Variants in CPT1A observed in about 807,000 individuals in gnomAD.
CPT1A encodes carnitine palmitoyltransferase 1A.
A neutral mutation model predicts 100.8 loss-of-function variants in CPT1A; 64 were observed. The observed-to-expected ratio is 0.63, with a 90% CI of 0.52 to 0.78. The LOEUF (loss-of-function observed/expected upper bound fraction) is 0.78, where lower values mean the gene tolerates loss of function less well. CPT1A is among the 30% of genes least tolerant of loss of function. The pLI, the probability that CPT1A is intolerant of heterozygous loss-of-function variation, is 0.00. For synonymous variants in CPT1A, 363 were observed against 396.0 expected (o/e 0.92, Z 0.99); for missense variants, 802 against 1,034.1 (o/e 0.78, Z 3.08).
Position 68,757,669 on chromosome 11 carries a change from C to G in CPT1A, c.2297G>C (p.Gly766Ala), listed in dbSNP as rs764302930. The G allele has an allele frequency of 1.2e-6, 2 of 1,614,078 alleles. No homozygotes were observed. The highest frequency in any genetic ancestry group is 1.7e-6 in the Non-Finnish European group (2 of 1,180,002). The change falls in exon 19 of 19, where the codon GGT becomes GCT. Residue 766 changes from glycine to alanine, a missense_variant. Transcript: ENST00000265641. Reference protein sequence around the residue: ...EAMTDIITLFGLSSNSKK With the variant: ...EAMTDIITLFALSSNSKK ...TTACTTTTTGGAATTAGAACTGAGACCAAACAAAGTGATGATGTCAGTCAT... is the reference window on the plus strand; with the variant it reads ...TTACTTTTTGGAATTAGAACTGAGAGCAAACAAAGTGATGATGTCAGTCAT...
chr11:68,820,865 C>T (rs962979353), intron 1 of CPT1A, among the ~76,000 whole-genome samples: 80 of 152,240 alleles, frequency 5.3e-4, no homozygotes, highest in African/African-American at 1.8e-3. Flanking sequence ...GAAAACACCT[C>T]GTATACACAT....
At chr11:68,825,576 C>A (rs1032292064) in intron 1 of CPT1A, among the ~76,000 whole-genome samples, 1 of 152,182 alleles carries the variant, frequency 6.6e-6, no homozygotes, top group East Asian at 1.9e-4. Context: ...CAGTCACCAC[C>A]TGCTTGCCCA....
chr11:68,826,944 A>T (rs1049193486), intron 1 of CPT1A, among the ~76,000 whole-genome samples: 2 of 152,128 alleles, frequency 1.3e-5, no homozygotes, highest in Non-Finnish European at 2.9e-5. Flanking sequence ...TGGGATGGGC[A>T]GACGACAAGC....
intron 9 of CPT1A, among the ~76,000 whole-genome samples, chr11:68,792,209 C>T (rs994625658): frequency 2.0e-5 from 3 of 152,042 alleles, no homozygotes; most frequent in African/African-American, 7.2e-5. Context: ...TGGTGGCAGA[C>T]ACCTATAGTC....
chr11:68,776,168 G>A (rs1855133868), intron 12 of CPT1A, among the ~76,000 whole-genome samples: 2 of 152,266 alleles, frequency 1.3e-5, no homozygotes, highest in East Asian at 1.9e-4. Context: ...GGAGGCCAAG[G>A]TGGGAGGATT....
At chr11:68,777,170 T>C (rs1855164048) in intron 12 of CPT1A, among the ~76,000 whole-genome samples, 1 of 152,014 alleles carries the variant, frequency 6.6e-6, no homozygotes, top group South Asian at 2.1e-4. Flanking sequence ...TGGCTCATGT[T>C]AGTAATCCCA....
At chr11:68,823,942 T>A (rs547791960) in intron 1 of CPT1A, among the ~76,000 whole-genome samples, 34 of 150,966 alleles carry the variant, frequency 2.3e-4, no homozygotes, top group Non-Finnish European at 4.1e-4. Flanking sequence ...TGGGTACCCA[T>A]AGACATAAAG....
At chr11:68,791,517 G>A (rs866196213) in intron 9 of CPT1A, among the ~76,000 whole-genome samples, 5 of 152,196 alleles carry the variant, frequency 3.3e-5, no homozygotes, top group African/African-American at 7.2e-5. Flanking sequence ...TGTGAAATCC[G>A]TGAACACACA....
intron 10 of CPT1A, among the ~76,000 whole-genome samples, chr11:68,784,154 C>T (rs563646615): frequency 3.3e-5 from 5 of 152,324 alleles, no homozygotes; most frequent in South Asian, 2.1e-4. Context: ...TGAGCCACTG[C>T]GCCCGGCCTG....
chr11:68,814,988 G>A (rs1439005239), intron 2 of CPT1A, among the ~76,000 whole-genome samples: 1 of 152,148 alleles, frequency 6.6e-6, no homozygotes, highest in Admixed American at 6.5e-5. Context: ...CACCTGGCCT[G>A]GAAAAATCCT....
chr11:68,789,274 A>G (rs1370797738), intron 9 of CPT1A, among the ~76,000 whole-genome samples: 5 of 152,184 alleles, frequency 3.3e-5, no homozygotes, highest in Non-Finnish European at 5.9e-5. Flanking sequence ...GGGAATTTGA[A>G]TGGTCTAATT....
At chr11:68,800,174 C>T (rs925319556) in intron 5 of CPT1A, among the ~76,000 whole-genome samples, 5 of 152,114 alleles carry the variant, frequency 3.3e-5, no homozygotes, top group East Asian at 3.9e-4. Flanking sequence ...GAATAGGTCA[C>T]GGAACCAGGC....
intron 1 of CPT1A, among the ~76,000 whole-genome samples, chr11:68,825,243 C>T (rs527674368): frequency 2.0e-5 from 3 of 152,240 alleles, no homozygotes; most frequent in Admixed American, 2.0e-4. Context: ...CATTTGAGAT[C>T]TCCTGATGTT....
chr11:68,758,704 C>T (rs1470505590), intron 18 of CPT1A, among the ~76,000 whole-genome samples: 1 of 151,566 alleles, frequency 6.6e-6, no homozygotes, highest in Admixed American at 6.6e-5. Flanking sequence ...CTACAACCTC[C>T]ACCTCCCGGG....
chr11:68,830,997 G>T (rs1011096552), intron 1 of CPT1A, among the ~76,000 whole-genome samples: 1 of 152,150 alleles, frequency 6.6e-6, no homozygotes, highest in Non-Finnish European at 1.5e-5. Context: ...ATCAACAATC[G>T]TGGGGGGGAA....
At chr11:68,803,074 A>C (rs942146347) in intron 5 of CPT1A, among the ~76,000 whole-genome samples, 2 of 152,188 alleles carry the variant, frequency 1.3e-5, no homozygotes, top group African/African-American at 4.8e-5. Context: ...CCCCACCCTC[A>C]GCTGGTGACC....
At chr11:68,816,794 T>C (rs1856409032) in intron 1 of CPT1A, among the ~76,000 whole-genome samples, 1 of 141,134 alleles carries the variant, frequency 7.1e-6, no homozygotes, top group African/African-American at 2.7e-5. Flanking sequence ...TGTGTGTGTA[T>C]ACGTGTGTGT....
intron 12 of CPT1A, among the ~76,000 whole-genome samples, chr11:68,777,822 G>A (rs61889267): frequency 8.5e-5 from 13 of 152,136 alleles, no homozygotes; most frequent in Non-Finnish European, 1.9e-4. Flanking sequence ...TATAGGACTC[G>A]GGAAGTCCTT....
intron 9 of CPT1A, among the ~76,000 whole-genome samples, chr11:68,792,262 G>A (rs7934156): frequency 0.082 from 12,545 of 152,108 alleles, 618 homozygotes; most frequent in Non-Finnish European, 0.1. Flanking sequence ...GCGTGAACTC[G>A]GGAGGTGGAG....
Sources: allele counts gnomAD v4.1 joint callset (sites outside exome capture counted in the v4.1 genomes callset), GRCh38; gene constraint gnomAD v4.1.1; transcripts MANE v1.5; gene names NCBI Gene and HGNC (gene_info 2026-07-23, HGNC 2026-07-21).